The following PLGRKT variants were observed in gnomAD, a reference collection of about 807,000 sequenced individuals.
PLGRKT encodes plasminogen receptor (KT).
In PLGRKT, 22 loss-of-function variants were observed where a neutral mutation model predicts 18.5. The ratio of observed to expected loss-of-function variants is 1.19; its 90% CI spans 0.85 to 1.70. PLGRKT has a LOEUF of 1.70. Among genes scored for constraint, PLGRKT ranks in the 40% most tolerant of loss-of-function variants. PLGRKT has a pLI of 0.00. For synonymous variants in PLGRKT, 72 were observed against 52.8 expected (o/e 1.36, Z -1.58); for missense variants, 235 against 174.4 (o/e 1.35, Z -1.96).
chr9:5,365,292 G>A (rs999756064), intron 3 of PLGRKT, among the ~76,000 whole-genome samples: 3 of 152,154 alleles, frequency 2.0e-5, no homozygotes, highest in Non-Finnish European at 4.4e-5. Flanking sequence ...CAATCTGAAA[G>A]AGCTCCTAAT....
chr9:5,422,297 G>A (rs530875961), intron 3 of PLGRKT, among the ~76,000 whole-genome samples: 4 of 152,244 alleles, frequency 2.6e-5, no homozygotes, highest in African/African-American at 9.6e-5. Flanking sequence ...GTGATGTGAT[G>A]TATTAGGAAT....
At chr9:5,405,330 A>G (rs1314368744) in intron 3 of PLGRKT, among the ~76,000 whole-genome samples, 1 of 152,240 alleles carries the variant, frequency 6.6e-6, no homozygotes. Context: ...ACAAAGCTGG[A>G]GGAATCATGC....
chr9:5,401,737 G>A (rs1818158067), intron 3 of PLGRKT, among the ~76,000 whole-genome samples: 1 of 151,930 alleles, frequency 6.6e-6, no homozygotes. Context: ...TGTTCCAGGT[G>A]AAGATAAGAG....
At chr9:5,428,708 G>C (rs764726869) in intron 3 of PLGRKT, among the ~76,000 whole-genome samples, 1 of 151,708 alleles carries the variant, frequency 6.6e-6, no homozygotes, top group Non-Finnish European at 1.5e-5. Context: ...TTATTGTTTT[G>C]GTTTTTTGAG....
chr9:5,404,743 C>A (rs1026840464), intron 3 of PLGRKT, among the ~76,000 whole-genome samples: 3 of 152,176 alleles, frequency 2.0e-5, no homozygotes, highest in Admixed American at 2.0e-4. Flanking sequence ...TCTCTCACCA[C>A]TCCTATTCAA....
In PLGRKT at chr9:5,437,784, C is replaced by G. The variant is rs1479881748; in HGVS notation, c.-133+5G>C. 1 of 152,320 alleles carries G rather than the reference C, an allele frequency of 6.6e-6. No individual in the cohort carries two copies. Among genetic ancestry groups the G allele is most frequent in the Non-Finnish European group, 1.5e-5 (1 of 68,104 alleles). The allele number at this position is 152,320 out of a possible 1,614,324, so 9.4% of individuals were successfully genotyped here. A position where few individuals can be genotyped will look rare whatever the true frequency, so the allele number is the denominator to read the frequency against. On this transcript the variant is annotated splice_donor_5th_base_variant and intron_variant, in intron 1 of 5. Coordinates refer to ENST00000223864, the MANE Select transcript of PLGRKT (RefSeq NM_018465.4). Reference sequence around the variant, plus strand: ...CCCACCCGCCTGCGGCCGGTGTTCACTCACTGGGCGGCGCTGGTGCCGGGA... The same window carrying G: ...CCCACCCGCCTGCGGCCGGTGTTCAGTCACTGGGCGGCGCTGGTGCCGGGA...
At chr9:5,408,395 C>T (rs1818296064) in intron 3 of PLGRKT, among the ~76,000 whole-genome samples, 1 of 152,222 alleles carries the variant, frequency 6.6e-6, no homozygotes, top group African/African-American at 2.4e-5. Flanking sequence ...CACTGTGCCC[C>T]TGCCAAGGGA....
chr9:5,367,205 A>G (rs1817412866), intron 3 of PLGRKT, among the ~76,000 whole-genome samples: 1 of 152,118 alleles, frequency 6.6e-6, no homozygotes, highest in African/African-American at 2.4e-5. Flanking sequence ...TTCCTATCAA[A>G]CTACCAACAT....
At chr9:5,394,925 T>G (rs1300062165) in intron 3 of PLGRKT, among the ~76,000 whole-genome samples, 1 of 151,644 alleles carries the variant, frequency 6.6e-6, no homozygotes, top group South Asian at 2.1e-4. Context: ...GGGAAGGCAA[T>G]GAGGGTGAGG....
intron 3 of PLGRKT, among the ~76,000 whole-genome samples, chr9:5,380,745 C>G (rs1008476603): frequency 6.6e-6 from 1 of 152,150 alleles, no homozygotes; most frequent in Non-Finnish European, 1.5e-5. Context: ...ACCTTGGTGC[C>G]TAGAAGAGTG....
chr9:5,422,384 T>C (rs1349430052), intron 3 of PLGRKT, among the ~76,000 whole-genome samples: 1 of 152,152 alleles, frequency 6.6e-6, no homozygotes, highest in Non-Finnish European at 1.5e-5. Flanking sequence ...ATTTACCACT[T>C]CATAGGAAGA....
chr9:5,429,520 T>C (rs966572226), intron 3 of PLGRKT, among the ~76,000 whole-genome samples: 2 of 151,728 alleles, frequency 1.3e-5, no homozygotes, highest in Non-Finnish European at 2.9e-5. Flanking sequence ...GAGAAGCATC[T>C]GTTCCAGGCC....
At chr9:5,379,040 A>C (rs2131089951) in intron 3 of PLGRKT, among the ~76,000 whole-genome samples, 1 of 152,296 alleles carries the variant, frequency 6.6e-6, no homozygotes, top group East Asian at 1.9e-4. Flanking sequence ...AATAAATACA[A>C]CTAGATAATG....
intron 3 of PLGRKT, among the ~76,000 whole-genome samples, chr9:5,389,040 T>C (rs1398884239): frequency 2.0e-5 from 3 of 151,896 alleles, no homozygotes. Context: ...AACTGTGGGG[T>C]GTCTCAGTAA....
intron 3 of PLGRKT, among the ~76,000 whole-genome samples, chr9:5,395,811 CAA>C (rs5896117): frequency 3.5e-5 from 5 of 143,018 alleles, no homozygotes; most frequent in Admixed American, 6.9e-5. Flanking sequence ...GAAACATTGA[CAA>C]AAAAAAAGGT....
chr9:5,366,272 T>C (rs887020253), intron 3 of PLGRKT, among the ~76,000 whole-genome samples: 1 of 152,128 alleles, frequency 6.6e-6, no homozygotes. Context: ...TCCCAATTAC[T>C]GACATTAAAA....
chr9:5,389,523 T>C lies in PLGRKT; in HGVS notation c.82-27635A>G, dbSNP rs547432764. Among the ~76,000 whole-genome samples, 8 of 151,952 alleles carry C rather than the reference T, an allele frequency of 5.3e-5. No individual in the cohort carries two copies. The South Asian group carries it at 8.3e-4, about 16-fold the overall frequency. ...GATCATTAAAATACTTTGGAAAGAC[T>C]TTCCATTTCCTCCAGTACCATCTGG... On this transcript the variant is annotated intron_variant, in intron 3 of 5. Coordinates refer to ENST00000223864, the MANE Select transcript of PLGRKT (RefSeq NM_018465.4).
intron 3 of PLGRKT, among the ~76,000 whole-genome samples, chr9:5,391,087 G>A (rs1290354559): frequency 6.6e-6 from 1 of 151,874 alleles, no homozygotes; most frequent in East Asian, 1.9e-4. Flanking sequence ...AAAGTACTTT[G>A]CGGAATTGAT....
At chr9:5,381,729 G>T in intron 3 of PLGRKT, 1 of 197,508 alleles carries the variant, frequency 5.1e-6, no homozygotes, top group Non-Finnish European at 9.1e-6. Flanking sequence ...CTAAGAGGGT[G>T]AGCAGGTTCT....
Sources: allele counts gnomAD v4.1 joint callset (sites outside exome capture counted in the v4.1 genomes callset), GRCh38; gene constraint gnomAD v4.1.1; transcripts MANE v1.5; gene names NCBI Gene and HGNC (gene_info 2026-07-23, HGNC 2026-07-21).